PROZ: variants seen among roughly 807,000 people sequenced by gnomAD.
PROZ encodes the protein protein Z, vitamin K dependent plasma glycoprotein.
PROZ carries 46 observed loss-of-function variants against 34.9 expected under a neutral mutation model. That is an observed-to-expected ratio of 1.32 (90% CI 1.04 to 1.69). PROZ has a LOEUF of 1.69. Among genes scored for constraint, PROZ ranks in the 40% most tolerant of loss-of-function variants. The pLI is 0.00. For synonymous variants in PROZ, 195 were observed against 208.5 expected (o/e 0.94, Z 0.56); for missense variants, 530 against 520.4 (o/e 1.02, Z -0.18).
chr13:113,161,070 C>T, intron 3 of PROZ, 98 bp downstream of exon 3: 1 of 1,092,770 alleles, frequency 9.2e-7, no homozygotes, highest in South Asian at 1.2e-5. Context: ...CAGCGGATGC[C>T]AAGCCTCTGG....
chr13:113,170,453 G>A lies in PROZ; in HGVS notation c.614G>A (p.Gly205Asp). 2 of 1,609,964 alleles carry A rather than the reference G, an allele frequency of 1.2e-6. No homozygotes were observed. The highest frequency in any genetic ancestry group is 1.7e-6 in the Non-Finnish European group (2 of 1,176,246). ...TCCGAAGGAAAAGACTTCTGTGGTG[G>A]TGTTATAATACGGGAAAATTTTGTA... is the stretch of plus-strand genomic sequence containing the variant. ...TNSEGKDFCG[G>D]VIIRENFVLT... Residue 205 changes from glycine (G) to aspartate (D), a missense_variant, in exon 7 of 8, where the codon GGT becomes GAT. Coordinates refer to ENST00000375547, the MANE Select transcript of PROZ (RefSeq NM_003891.3).
chr13:113,166,979 C>A (rs1299586971), intron 6 of PROZ, among the ~76,000 whole-genome samples: 4 of 152,202 alleles, frequency 2.6e-5, no homozygotes, highest in Non-Finnish European at 5.9e-5. Flanking sequence ...AGACAGAGGA[C>A]ACTGACTTAG....
chr13:113,166,461 C>A (rs2036935998), intron 6 of PROZ: 1 of 152,126 alleles, frequency 6.6e-6, no homozygotes. Flanking sequence ...CTGTGTGTGA[C>A]ACCCGTCAGT....
At position 113,172,154 on chromosome 13, in the gene PROZ, C is replaced by A; in HGVS notation, c.*49C>A. ...AACAACACAACCGGAAGCGGGATTC[C>A]AAGCTGGCACTGCCACTGTGGAGGG... is the stretch of plus-strand genomic sequence containing the variant. On this transcript the variant is annotated 3_prime_UTR_variant, in exon 8 of 8. Transcript: ENST00000375547. 3 of 1,599,464 alleles carry A rather than the reference C, an allele frequency of 1.9e-6. No individual in the cohort carries two copies. The highest frequency in any genetic ancestry group is 1.1e-5 in the South Asian group (1 of 89,572).
At chr13:113,165,340 T>G (rs2036895328) in intron 6 of PROZ, among the ~76,000 whole-genome samples, 1 of 152,176 alleles carries the variant, frequency 6.6e-6, no homozygotes, top group Non-Finnish European at 1.5e-5. Flanking sequence ...CCCCAAGACC[T>G]TTCCTCTGCA....
chr13:113,161,636 C>T (rs543197149), intron 3 of PROZ, among the ~76,000 whole-genome samples: 2 of 152,262 alleles, frequency 1.3e-5, no homozygotes, highest in African/African-American at 4.8e-5. Flanking sequence ...AAAGGGCACC[C>T]AGCAGAGTGG....
Position 113,171,540 on chromosome 13 carries a change from T to C in PROZ, c.692-54T>C, listed in dbSNP as rs2037111533. 1 of 1,611,650 alleles carries C rather than the reference T, an allele frequency of 6.2e-7. No individual in the cohort carries two copies. Among genetic ancestry groups the C allele is most frequent in the Non-Finnish European group, 8.5e-7 (1 of 1,179,170 alleles). On this transcript the variant is annotated intron_variant, in intron 7 of 7. Coordinates refer to ENST00000375547, the MANE Select transcript of PROZ (RefSeq NM_003891.3). The surrounding 1 kb of genome is among the most constrained non-coding windows in gnomAD (Gnocchi z 5.1). The stretch of plus-strand genomic sequence containing the variant: ...CTCCCTGAGAAGCTCGTTTGAGCAT[T>C]ATGTCCCCTTGAAAATCAGACTGTA...
At chr13:113,167,270 A>G (rs1400999877) in intron 6 of PROZ, among the ~76,000 whole-genome samples, 1 of 152,210 alleles carries the variant, frequency 6.6e-6, no homozygotes, top group African/African-American at 2.4e-5. Context: ...CTAGAGGTGC[A>G]GTGAGGATTA....
At chr13:113,162,794 C>T (rs540747481) in intron 3 of PROZ, among the ~76,000 whole-genome samples, 1 of 147,708 alleles carries the variant, frequency 6.8e-6, no homozygotes, top group African/African-American at 2.5e-5. Context: ...CTCAGGTCCC[C>T]GTCCCTGCTC....
chr13:113,161,483 C>T (rs1039677569), intron 3 of PROZ, among the ~76,000 whole-genome samples: 1 of 152,084 alleles, frequency 6.6e-6, no homozygotes, highest in Non-Finnish European at 1.5e-5. Flanking sequence ...GGGTAAGGAC[C>T]CACCTGGGAA....
Position 113,165,132 on chromosome 13 carries a change from C to T in PROZ, c.573+12C>T. On this transcript the variant is annotated intron_variant, in intron 6 of 7. Transcript: ENST00000375547. ...ACCTCCCGTGGCAGGTAACAGAGCGCTCTCCGCGTGCTTCAATTTATTGTT... is the reference window on the plus strand; with the variant it reads ...ACCTCCCGTGGCAGGTAACAGAGCGTTCTCCGCGTGCTTCAATTTATTGTT... The T allele has an allele frequency of 6.2e-7, 1 of 1,608,386 alleles. No individual in the cohort carries two copies. The highest frequency in any genetic ancestry group is 8.5e-7 in the Non-Finnish European group (1 of 1,178,816).
intron 6 of PROZ, among the ~76,000 whole-genome samples, chr13:113,167,220 C>T (rs1407715187): frequency 2.0e-5 from 3 of 152,176 alleles, no homozygotes; most frequent in Non-Finnish European, 2.9e-5. Context: ...CGTCTTCTCT[C>T]GAACTTGGTT....
At chr13:113,161,663 G>A (rs1206079675) in intron 3 of PROZ, among the ~76,000 whole-genome samples, 1 of 152,120 alleles carries the variant, frequency 6.6e-6, no homozygotes, top group Non-Finnish European at 1.5e-5. Context: ...CTGGCAGCCA[G>A]GCCTTACATC....
intron 4 of PROZ, among the ~76,000 whole-genome samples, chr13:113,163,398 A>G (rs2036809634): frequency 6.6e-6 from 1 of 151,600 alleles, no homozygotes; most frequent in Non-Finnish European, 1.5e-5. Context: ...CACCTCAACC[A>G]TTCACAATCT....
At chr13:113,161,112 G>A (rs1387358994) in intron 3 of PROZ, 140 bp downstream of exon 3, 4 of 810,386 alleles carry the variant, frequency 4.9e-6, no homozygotes, top group South Asian at 2.8e-5. Flanking sequence ...TCCAGGGAAG[G>A]GCAGCTCCGA....
At chr13:113,163,273 C>G in intron 4 of PROZ, 151 bp downstream of exon 4, 1 of 706,952 alleles carries the variant, frequency 1.4e-6, no homozygotes, top group Non-Finnish European at 2.5e-6. Flanking sequence ...GGATTCCTCT[C>G]ATCCCAACCA....
At position 113,159,937 on chromosome 13, in the gene PROZ, C is replaced by A. The variant is rs529581759; in HGVS notation, c.71-77C>A. On this transcript the variant is annotated intron_variant, in intron 1 of 7. Coordinates refer to ENST00000375547, the MANE Select transcript of PROZ (RefSeq NM_003891.3). This position sits in a 1 kb window ranked among gnomAD's most constrained non-coding sequence, Gnocchi z 4.6. ...GACGGGGCTGGGGCTGGCGGCCGGCCGGGGAGGAAGCCAGGCAGCTCTGGA... is the reference window on the plus strand; with the variant it reads ...GACGGGGCTGGGGCTGGCGGCCGGCAGGGGAGGAAGCCAGGCAGCTCTGGA... 6.4e-7 allele frequency: 1 copy of A among 1,573,968 alleles called. No homozygotes were observed. Among genetic ancestry groups the A allele is most frequent in the Admixed American group, 1.7e-5 (1 of 59,950 alleles).
chr13:113,171,782 C>A lies in PROZ; in HGVS notation c.880C>A (p.Pro294Thr). Residue 294 changes from proline to threonine, a missense_variant, in exon 8 of 8, where the codon CCA becomes ACA. Coordinates refer to ENST00000375547, the MANE Select transcript of PROZ (RefSeq NM_003891.3). This position sits in a 1 kb window ranked among gnomAD's most constrained non-coding sequence, Gnocchi z 5.1. ...EKDFAEHLLIPRTRGLLSGWA... is the reference protein window; with the variant it reads ...EKDFAEHLLITRTRGLLSGWA... ...AGACTTCGCTGAGCACCTCCTCATC[C>A]CACGCACCAGGGGCCTCCTCAGCGG... 2 of 1,612,910 alleles carry A rather than the reference C, an allele frequency of 1.2e-6. No homozygotes were observed. Among genetic ancestry groups the A allele is most frequent in the South Asian group, 2.2e-5 (2 of 91,064 alleles).
intron 6 of PROZ, among the ~76,000 whole-genome samples, chr13:113,169,629 G>A (rs1223020635): frequency 6.6e-6 from 1 of 152,170 alleles, no homozygotes; most frequent in Non-Finnish European, 1.5e-5. Flanking sequence ...CCAGGGCAGC[G>A]CTCAAGTCTA....
Sources: allele counts gnomAD v4.1 joint callset (sites outside exome capture counted in the v4.1 genomes callset), GRCh38; gene constraint gnomAD v4.1.1; non-coding constraint Gnocchi (gnomAD v3.1); transcripts MANE v1.5; gene names NCBI Gene and HGNC (gene_info 2026-07-23, HGNC 2026-07-21).